The following RBMS1 variants were observed in gnomAD, a reference collection of about 807,000 sequenced individuals.
RBMS1 encodes the protein RNA binding motif single stranded interacting protein 1, also known as RNA-binding motif, single-stranded-interacting protein 1.
Under a neutral mutation model 62.3 loss-of-function variants are expected in RBMS1, and 17 were observed. The observed-to-expected ratio is 0.27, with a 90% confidence interval of 0.19 to 0.41. The LOEUF (loss-of-function observed/expected upper bound fraction) is 0.41. RBMS1 is among the 10% of genes least tolerant of loss of function. RBMS1 has a pLI of 1.00. For missense variants in RBMS1, 334 were observed against 504.5 expected (o/e 0.66, Z 3.24); for synonymous variants, 172 against 170.0 (o/e 1.01, Z -0.09).
chr2:160,473,041 T>C (rs1559595285), intron 1 of RBMS1, among the ~76,000 whole-genome samples: 1 of 152,234 alleles, frequency 6.6e-6, no homozygotes, highest in Non-Finnish European at 1.5e-5. Flanking sequence ...ATTGTAAACA[T>C]TGTATAAGGT....
chr2:160,449,670 C>T (rs1477635335), intron 1 of RBMS1, among the ~76,000 whole-genome samples: 2 of 152,036 alleles, frequency 1.3e-5, no homozygotes, highest in Non-Finnish European at 2.9e-5. Flanking sequence ...TCTCAAGTAC[C>T]CAGGGACACA....
At chr2:160,443,658 G>A (rs2105307135) in intron 1 of RBMS1, among the ~76,000 whole-genome samples, 1 of 152,230 alleles carries the variant, frequency 6.6e-6, no homozygotes, top group East Asian at 1.9e-4. Context: ...GGCCTCCCCA[G>A]AAGCTAAGCA....
intron 1 of RBMS1, among the ~76,000 whole-genome samples, chr2:160,386,487 G>T (rs1186028710): frequency 1.3e-5 from 2 of 151,144 alleles, no homozygotes; most frequent in African/African-American, 4.9e-5. Context: ...AGTGCTGAGA[G>T]CTGAGATCGT....
chr2:160,280,172 G>A (rs1257677511), intron 10 of RBMS1, among the ~76,000 whole-genome samples: 2 of 152,114 alleles, frequency 1.3e-5, no homozygotes, highest in Non-Finnish European at 2.9e-5. Flanking sequence ...TCCAAAATAG[G>A]GTAGCATGGA....
intron 2 of RBMS1, among the ~76,000 whole-genome samples, chr2:160,337,662 G>C (rs1350103939): frequency 3.3e-5 from 5 of 151,866 alleles, no homozygotes; most frequent in Non-Finnish European, 5.9e-5. Context: ...AAAAAAACTG[G>C]GGGGGAGGGG....
chr2:160,455,496 C>T (rs1391897049), intron 1 of RBMS1, among the ~76,000 whole-genome samples: 4 of 152,208 alleles, frequency 2.6e-5, no homozygotes, highest in African/African-American at 4.8e-5. Flanking sequence ...AACACACTTG[C>T]ACACTTCAGT....
Position 160,381,528 on chromosome 2 carries a change from G to C in RBMS1, c.76-14137C>G, listed in dbSNP as rs1363016103. On this transcript the variant is annotated intron_variant, in intron 1 of 13. Transcript: ENST00000348849. ...TTCTTCATTCAGTTTACAGATAAGA[G>C]AACAGAAAAGGGAGTTCCCCAAGGT... 2.6e-5 allele frequency among the ~76,000 whole-genome samples: 4 copies of C among 152,176 alleles called. No individual in the cohort carries two copies. The East Asian group carries it at 7.7e-4, about 29-fold the overall frequency.
intron 12 of RBMS1, among the ~76,000 whole-genome samples, chr2:160,275,991 A>G (rs1445844176): frequency 6.6e-6 from 1 of 152,192 alleles, no homozygotes; most frequent in Non-Finnish European, 1.5e-5. Flanking sequence ...CCCTGGGGAC[A>G]GATGTGATTT....
intron 1 of RBMS1, among the ~76,000 whole-genome samples, chr2:160,424,069 A>G (rs1696543255): frequency 6.7e-6 from 1 of 148,578 alleles, no homozygotes; most frequent in Non-Finnish European, 1.5e-5. Flanking sequence ...CCCAGGCTGG[A>G]GTGCAGTGGT....
intron 1 of RBMS1, among the ~76,000 whole-genome samples, chr2:160,458,207 T>C (rs970914276): frequency 1.3e-5 from 2 of 152,058 alleles, no homozygotes; most frequent in East Asian, 3.9e-4. Context: ...CAAGTGATCC[T>C]CCTGTCTGGG....
chr2:160,439,148 T>C (rs1282986499), intron 1 of RBMS1, among the ~76,000 whole-genome samples: 1 of 121,550 alleles, frequency 8.2e-6, no homozygotes, highest in Non-Finnish European at 1.7e-5. Context: ...GGGGGGCTGA[T>C]CCCCCCACCT....
At chr2:160,381,804 T>C (rs1205353972) in intron 1 of RBMS1, among the ~76,000 whole-genome samples, 3 of 152,192 alleles carry the variant, frequency 2.0e-5, no homozygotes, top group East Asian at 1.9e-4. Flanking sequence ...AAGAAACTGG[T>C]TGCAAAACAG....
At chr2:160,403,070 G>A (rs977102596) in intron 1 of RBMS1, among the ~76,000 whole-genome samples, 1 of 152,150 alleles carries the variant, frequency 6.6e-6, no homozygotes, top group Non-Finnish European at 1.5e-5. Flanking sequence ...CATGTAATGA[G>A]ATGCCAAAAC....
chr2:160,275,415 G>C (rs1440545115), intron 13 of RBMS1: 1 of 794,374 alleles, frequency 1.3e-6, no homozygotes, highest in Non-Finnish European at 1.7e-6. Context: ...GTATACATTT[G>C]GCTTCAGTAT....
chr2:160,465,153 T>C (rs1002338782), intron 1 of RBMS1, among the ~76,000 whole-genome samples: 2 of 152,248 alleles, frequency 1.3e-5, no homozygotes, highest in African/African-American at 2.4e-5. Context: ...GACAGATTAA[T>C]TGGCCAACCT....
intron 9 of RBMS1, chr2:160,282,366 C>T: frequency 7.6e-7 from 1 of 1,322,498 alleles, no homozygotes; most frequent in Non-Finnish European, 1.0e-6. Context: ...TGGACTGTAG[C>T]CTTTCCCCAT....
chr2:160,277,343 G>A lies in RBMS1; in HGVS notation c.1103C>T (p.Pro368Leu). 4 of 1,613,526 alleles carry A rather than the reference G, an allele frequency of 2.5e-6. No individual in the cohort carries two copies. The highest frequency in any genetic ancestry group is 3.4e-6 in the Non-Finnish European group (4 of 1,179,558). The change falls in exon 12 of 14, where the codon CCA becomes CTA. Residue 368 changes from proline (P) to leucine (L), a missense_variant. Coordinates refer to ENST00000348849, the MANE Select transcript of RBMS1 (RefSeq NM_016836.4). The part of the protein sequence containing the change: ...ATSAMQGAYL[P>L]QYAHMQTTAV... ...TGTCGTCTGCATATGTGCATACTGT[G>A]GCAAGTAGGCTCCTTGCATAGCTGA...
intron 2 of RBMS1, among the ~76,000 whole-genome samples, chr2:160,348,869 G>A (rs1336215842): frequency 4.6e-5 from 7 of 152,130 alleles, no homozygotes; most frequent in Non-Finnish European, 8.8e-5. Flanking sequence ...TGATGAATTA[G>A]TATAACTTAT....
At chr2:160,325,650 G>T (rs1157505700) in intron 2 of RBMS1, among the ~76,000 whole-genome samples, 1 of 152,162 alleles carries the variant, frequency 6.6e-6, no homozygotes, top group Non-Finnish European at 1.5e-5. Context: ...ATAGGGGAAG[G>T]AACACAAAGT....
Sources: gnomAD v4.1 joint callset for allele counts (sites outside exome capture counted in the v4.1 genomes callset) on GRCh38, gnomAD v4.1.1 for gene constraint, MANE v1.5 for transcripts, NCBI Gene and HGNC (gene_info 2026-07-23, HGNC 2026-07-21) for gene names.